Variants in CCDC141 observed in about 807,000 individuals in gnomAD.
CCDC141 encodes coiled-coil domain-containing protein 141.
CCDC141 carries 168 observed loss-of-function variants against 181.0 expected under a neutral mutation model. The observed-to-expected ratio is 0.93, with a 90% CI of 0.82 to 1.05. The LOEUF is 1.05. CCDC141 is among the 50% of genes least tolerant of loss of function. The probability of loss-of-function intolerance (pLI) is 0.00; values close to 1 mark genes in which losing one functional copy is unlikely to be tolerated. For synonymous variants in CCDC141, 666 were observed against 642.3 expected (o/e 1.04, Z -0.56); for missense variants, 1,902 against 1,788.5 (o/e 1.06, Z -1.14).
At chr2:178,964,557 G>A (rs369143966) in intron 4 of CCDC141, among the ~76,000 whole-genome samples, 10 of 152,306 alleles carry the variant, frequency 6.6e-5, no homozygotes, top group African/African-American at 2.2e-4. Flanking sequence ...AGCCTCCTGA[G>A]CCAGCATTAA....
intron 2 of CCDC141, among the ~76,000 whole-genome samples, chr2:179,006,764 C>T (rs1174239142): frequency 6.6e-6 from 1 of 152,162 alleles, no homozygotes; most frequent in Non-Finnish European, 1.5e-5. Flanking sequence ...AATGTTTCCT[C>T]ACTTGGTAAT....
intron 6 of CCDC141, among the ~76,000 whole-genome samples, chr2:178,935,079 T>G (rs1689232328): frequency 6.6e-6 from 1 of 152,188 alleles, no homozygotes; most frequent in African/African-American, 2.4e-5. Flanking sequence ...ACAATATTTT[T>G]GGAGTCGCTA....
chr2:178,956,141 T>A (rs1690152694), intron 5 of CCDC141, among the ~76,000 whole-genome samples: 1 of 152,202 alleles, frequency 6.6e-6, no homozygotes, highest in South Asian at 2.1e-4. Context: ...AGCCAGGATT[T>A]GAACCCAGCC....
At chr2:178,948,318 T>A (rs755079626) in intron 5 of CCDC141, among the ~76,000 whole-genome samples, 1 of 152,212 alleles carries the variant, frequency 6.6e-6, no homozygotes, top group African/African-American at 2.4e-5. Flanking sequence ...ACTTTTTAAT[T>A]TTTTACTTTT....
chr2:178,953,360 C>G (rs1184168830), intron 5 of CCDC141, among the ~76,000 whole-genome samples: 1 of 151,916 alleles, frequency 6.6e-6, no homozygotes, highest in African/African-American at 2.4e-5. Context: ...TGGCATGAAC[C>G]CGGGAGGCGG....
At chr2:178,836,157 C>T (rs1422301260) in intron 23 of CCDC141, 1 of 152,310 alleles carries the variant, frequency 6.6e-6, no homozygotes, top group East Asian at 1.9e-4. Flanking sequence ...TTAAAAGTAA[C>T]CCACATATTG....
Position 178,853,572 on chromosome 2 carries a change from T to C in CCDC141, c.3113A>G (p.Tyr1038Cys). 6.2e-7 allele frequency: 1 copy of C among 1,614,154 alleles called. No homozygotes were observed. Among genetic ancestry groups the C allele is most frequent in the Non-Finnish European group, 8.5e-7 (1 of 1,179,984 alleles). Reference protein sequence around the residue: ...ASATVVRVGKYSTECKTKEAV... With the variant: ...ASATVVRVGKCSTECKTKEAV... Reference sequence around the variant, plus strand: ...TTCCTTTGTCTTGCACTCTGTGGAATATTTTCCAACTCTTACAACTGTGGC... The same window carrying C: ...TTCCTTTGTCTTGCACTCTGTGGAACATTTTCCAACTCTTACAACTGTGGC... The change falls in exon 20 of 24, where the codon TAT becomes TGT. Residue 1038 changes from tyrosine to cysteine, a missense_variant. Physicochemically the swap from Tyr to Cys is radical, Grantham distance 194 (BLOSUM62 -2). Transcript: ENST00000443758.
intron 11 of CCDC141, among the ~76,000 whole-genome samples, chr2:178,881,142 G>A (rs1427212723): frequency 1.8e-4 from 27 of 152,144 alleles, no homozygotes; most frequent in Admixed American, 1.6e-3. Context: ...AGTGAATTAG[G>A]AGAAAGGAGA....
At chr2:178,850,706 T>C (rs562657457) in intron 20 of CCDC141, among the ~76,000 whole-genome samples, 22 of 152,356 alleles carry the variant, frequency 1.4e-4, no homozygotes, top group Non-Finnish European at 3.1e-4. Context: ...CTCTTTAAGG[T>C]CCACCTGAAA....
chr2:178,896,969 A>C (rs984357966), intron 8 of CCDC141, among the ~76,000 whole-genome samples: 28 of 125,616 alleles, frequency 2.2e-4, no homozygotes, highest in African/African-American at 3.4e-4. Flanking sequence ...TCCCCCTGCC[A>C]CCCCCTCCTC....
chr2:179,028,620 C>A (rs1201808311), intron 2 of CCDC141, among the ~76,000 whole-genome samples: 1 of 152,126 alleles, frequency 6.6e-6, no homozygotes, highest in Non-Finnish European at 1.5e-5. Flanking sequence ...TTTTCTTATC[C>A]TATAGGATTT....
chr2:178,961,546 C>T (rs1294766933), intron 4 of CCDC141, 63 bp from the exon 5 acceptor site: 3 of 1,197,672 alleles, frequency 2.5e-6, no homozygotes, highest in African/African-American at 3.1e-5. Flanking sequence ...CAGCAATATT[C>T]AGACTCTTCA....
chr2:178,870,835 G>A (rs896390435), intron 14 of CCDC141, among the ~76,000 whole-genome samples: 7 of 152,146 alleles, frequency 4.6e-5, no homozygotes, highest in South Asian at 2.1e-4. Context: ...AATTTTTGGC[G>A]GTTGTGTCAC....
intron 2 of CCDC141, among the ~76,000 whole-genome samples, chr2:179,026,053 G>A (rs527990060): frequency 2.0e-4 from 31 of 152,332 alleles, no homozygotes; most frequent in African/African-American, 7.5e-4. Context: ...GACCATAAAA[G>A]TTTGGAAAAT....
the CCDC141 span, chr2:178,817,816 T>TCCC: frequency 4.7e-5 from 12 of 256,280 alleles, no homozygotes; most frequent in African/African-American, 3.6e-4. Context: ...CCTCCCTCCC[T>TCCC]TCTTTCAATG....
intron 5 of CCDC141, among the ~76,000 whole-genome samples, chr2:178,958,369 G>A (rs1314183579): frequency 6.6e-6 from 1 of 151,874 alleles, no homozygotes; most frequent in Admixed American, 6.6e-5. Flanking sequence ...TTCTGAGGGG[G>A]GATGCTGATA....
rs1042749113 is a variant in CCDC141, at chr2:178,987,163, G to T, written c.226-8488C>A. On this transcript the variant is annotated intron_variant, in intron 2 of 23. Coordinates refer to ENST00000443758, the MANE Select transcript of CCDC141 (RefSeq NM_173648.4). ...GAACACAGCCCTCAGAAATAATGCC[G>T]CATATCTACAACTATCTGATCTTTG... 2.2e-4 allele frequency among the ~76,000 whole-genome samples: 27 copies of T among 122,296 alleles called. 5 individuals are homozygous for T. The highest frequency in any genetic ancestry group is 6.7e-4 in the Admixed American group (7 of 10,498). The allele number at this position is 122,296 out of a possible 152,430, so 80.2% of individuals were successfully genotyped here.
intron 2 of CCDC141, among the ~76,000 whole-genome samples, chr2:179,024,233 T>C (rs147817953): frequency 1.1e-4 from 17 of 152,348 alleles, no homozygotes; most frequent in African/African-American, 3.6e-4. Context: ...TGAATCTTCT[T>C]CAAACCCTCA....
chr2:178,939,685 C>A (rs997170557), intron 6 of CCDC141, among the ~76,000 whole-genome samples: 1 of 151,852 alleles, frequency 6.6e-6, no homozygotes, highest in African/African-American at 2.4e-5. Context: ...AGAAATAGGT[C>A]ATGGATAAAA....
Sources: allele counts gnomAD v4.1 joint callset (sites outside exome capture counted in the v4.1 genomes callset), GRCh38; gene constraint gnomAD v4.1.1; transcripts MANE v1.5; gene names NCBI Gene and HGNC (gene_info 2026-07-23, HGNC 2026-07-21).